Variants in PFKFB2 observed in about 807,000 individuals in gnomAD.
PFKFB2 encodes the protein 6-phosphofructo-2-kinase/fructose-2,6-biphosphatase 2.
In PFKFB2, 53 loss-of-function variants were observed where a neutral mutation model predicts 68.0. The ratio of observed to expected loss-of-function variants is 0.78; its 90% CI spans 0.63 to 0.98. The LOEUF (loss-of-function observed/expected upper bound fraction) is 0.98. Ranked by LOEUF, PFKFB2 falls within the 50% of genes least tolerant of loss-of-function variation. The pLI, the probability that PFKFB2 is intolerant of heterozygous loss-of-function variation, is 0.00. For synonymous variants in PFKFB2, 222 were observed against 227.6 expected, an observed-to-expected ratio of 0.98 and a Z score of 0.22; for missense variants, 451 against 642.0, an observed-to-expected ratio of 0.70 and a Z score of 3.22.
rs1378770232 is a variant in PFKFB2 at position 207,063,382 on chromosome 1, G to A, written c.411G>A (p.Arg137=). 1.9e-6 allele frequency: 3 copies of A among 1,613,642 alleles called. No homozygotes were observed. The highest frequency in any genetic ancestry group is 1.6e-4 in the Middle Eastern group (1 of 6,082). Residue 137 remains arginine, a synonymous_variant, in exon 6 of 15, where the codon AGG becomes AGA. Transcript: ENST00000367080. This position sits in a 1 kb window ranked among gnomAD's most constrained non-coding sequence, Gnocchi z 4.1. ...CCACCAATACAACCCGGGAGAGGAGGGACATGATTTTGAACTTTGCTGAAC... is the reference window on the plus strand; with the variant it reads ...CCACCAATACAACCCGGGAGAGGAGAGACATGATTTTGAACTTTGCTGAAC... ...FDATNTTRER[R]DMILNFAEQN...
chr1:207,049,682 T>C (rs1232327811), upstream of PFKFB2: 1 of 1,614,036 alleles, frequency 6.2e-7, no homozygotes, highest in African/African-American at 1.3e-5. Flanking sequence ...GCAGGTGAAC[T>C]TCTGGGCCTG....
chr1:207,044,504 TTC>T (rs992583978), intron 2 of PFKFB2: 1 of 152,500 alleles, frequency 6.6e-6, no homozygotes, highest in Non-Finnish European at 1.5e-5. Flanking sequence ...AGATGATCCT[TTC>T]TGTTTACCTA....
At position 207,054,781 on chromosome 1, in the gene PFKFB2, C is replaced by T. The variant is rs868372519; in HGVS notation, c.64C>T (p.Arg22Ter). 4 of 1,613,242 alleles carry T rather than the reference C, an allele frequency of 2.5e-6. No homozygotes were observed. Among genetic ancestry groups the T allele is most frequent in the Admixed American group, 1.7e-5 (1 of 59,958 alleles). The change falls in exon 2 of 15, where the codon CGA becomes TGA. Residue 22 changes from arginine to a stop codon, truncating the protein, a stop_gained. Transcript: ENST00000367080. LOFTEE classifies it high-confidence loss of function. ...CTATGAAACCAAAACCCCAAATCTT[C>T]GAATGTCAGAGAAGAAATGTTGTGA... is the stretch of plus-strand genomic sequence containing the variant. ...NSYETKTPNL[R>*]MSEKKCSWAS...
intron 8 of PFKFB2, among the ~76,000 whole-genome samples, chr1:207,065,943 T>A (rs1375513614): frequency 6.6e-6 from 1 of 152,246 alleles, no homozygotes; most frequent in Non-Finnish European, 1.5e-5. Flanking sequence ...GGATACCCTT[T>A]GGAGATGTGT....
At chr1:207,061,331 T>C (rs1683111699) in intron 2 of PFKFB2, among the ~76,000 whole-genome samples, 1 of 150,468 alleles carries the variant, frequency 6.6e-6, no homozygotes, top group African/African-American at 2.4e-5. Context: ...GGCTGCAGCA[T>C]GGTTATTTTC....
intron 1 of PFKFB2, among the ~76,000 whole-genome samples, chr1:207,037,244 A>T (rs1364735817): frequency 2.0e-5 from 3 of 152,172 alleles, no homozygotes; most frequent in Non-Finnish European, 4.4e-5. Context: ...CAGTTTTTTT[A>T]AAAAACTATT....
chr1:207,035,040 G>T (rs2102311171), intron 1 of PFKFB2: 2 of 538,700 alleles, frequency 3.7e-6, no homozygotes, highest in Non-Finnish European at 2.4e-6. Flanking sequence ...AAGCCTGAAA[G>T]AATAAGACTT....
intron 7 of PFKFB2, 142 bp from the exon 8 acceptor site, chr1:207,064,894 T>G (rs887548893): frequency 2.4e-5 from 22 of 901,408 alleles, no homozygotes; most frequent in Non-Finnish European, 2.9e-5. Context: ...GGGCGGGGGG[T>G]ACTCAATGAG....
At chr1:207,050,199 A>T (rs147656233), upstream of PFKFB2, among the ~76,000 whole-genome samples, 1 of 152,344 alleles carries the variant, frequency 6.6e-6, no homozygotes, top group African/African-American at 2.4e-5. Context: ...GCTGCTGGTT[A>T]GAAATTGAAA....
rs1318565884 is a variant in PFKFB2, at chr1:207,062,614, C to T, written c.212-6C>T. On this transcript the variant is annotated splice_region_variant and splice_polypyrimidine_tract_variant and intron_variant, in intron 3 of 14. Coordinates refer to ENST00000367080, the MANE Select transcript of PFKFB2 (RefSeq NM_006212.2). ...TGCTGCTGAAGGATTTGGGTGTCTT[C>T]TACAGTGTTTAATCTTGGGGTGTAT... The T allele has an allele frequency of 9.9e-6, 16 of 1,613,234 alleles. No individual in the cohort carries two copies. Among genetic ancestry groups the T allele is most frequent in the Non-Finnish European group, 1.3e-5 (15 of 1,179,556 alleles).
chr1:207,073,826 A>G lies in PFKFB2; in HGVS notation c.*1455A>G, dbSNP rs1683540472. On this transcript the variant is annotated 3_prime_UTR_variant, in exon 15 of 15. Transcript: ENST00000367080. ...AATTTTGCATGCAAAATGTACGAAT[A>G]TATGTATGTTTTTCTGAGAGGCAAG... 1.0e-6 allele frequency: 1 copy of G among 985,382 alleles called. No homozygotes were observed. Among genetic ancestry groups the G allele is most frequent in the Non-Finnish European group, 1.2e-6 (1 of 829,896 alleles). The allele number at this position is 985,382 out of a possible 1,614,324, so 61.0% of individuals were successfully genotyped here.
At chr1:207,041,959 C>A (rs768314198) in intron 1 of PFKFB2, among the ~76,000 whole-genome samples, 2 of 152,180 alleles carry the variant, frequency 1.3e-5, no homozygotes, top group African/African-American at 4.8e-5. Context: ...CAAAAGACTA[C>A]CTCCATTACT....
At chr1:207,041,310 T>C (rs11120096) in intron 1 of PFKFB2, among the ~76,000 whole-genome samples, 6,075 of 152,006 alleles carry the variant, frequency 0.04, 384 homozygotes, top group African/African-American at 0.14. Context: ...GGTATACATG[T>C]GCCATGGTGG....
chr1:207,075,888 A>G lies in PFKFB2; in HGVS notation c.*3517A>G. On this transcript the variant is annotated 3_prime_UTR_variant, in exon 15 of 15. Transcript: ENST00000367080. ...AACCTGCTTCTCTTCTTATCTCCTA[A>G]TCCCTAAATTGTAATTTAGCTCTTA... is the stretch of plus-strand genomic sequence containing the variant. 8.1e-6 allele frequency: 8 copies of G among 985,212 alleles called. No individual in the cohort carries two copies. The highest frequency in any genetic ancestry group is 9.6e-6 in the Non-Finnish European group (8 of 829,712). 61.0% of individuals were successfully genotyped at this position (985,212 alleles called of 1,614,324 possible).
At chr1:207,069,073 C>A (rs1226935718) in intron 10 of PFKFB2, among the ~76,000 whole-genome samples, 1 of 152,080 alleles carries the variant, frequency 6.6e-6, no homozygotes, top group Non-Finnish European at 1.5e-5. Flanking sequence ...CTTCCTTCTA[C>A]CCTTTTATTT....
chr1:207,068,758 T>C (rs934759014), intron 10 of PFKFB2, among the ~76,000 whole-genome samples: 1 of 152,112 alleles, frequency 6.6e-6, no homozygotes, highest in Non-Finnish European at 1.5e-5. Flanking sequence ...TTCTTTTTTT[T>C]TTTTTGTGAC....
chr1:207,071,252 T>C lies in PFKFB2; in HGVS notation c.1285+2T>C. 1 of 1,609,016 alleles carries C rather than the reference T, an allele frequency of 6.2e-7. No homozygotes were observed. The highest frequency in any genetic ancestry group is 8.5e-7 in the Non-Finnish European group (1 of 1,175,314). On this transcript the variant is annotated splice_donor_variant, in intron 13 of 14. Transcript: ENST00000367080. LOFTEE classifies it high-confidence loss of function. ...TCAAACTTACTCCTGTGGCCTATGG[T>C]AACTATGCACATAGGGGCTGGCAGG... is the stretch of plus-strand genomic sequence containing the variant.
chr1:207,043,624 T>C lies in PFKFB2; in HGVS notation c.-18+1412T>C, dbSNP rs561568206. Among the ~76,000 whole-genome samples, 7 of 152,264 alleles carry C rather than the reference T, an allele frequency of 4.6e-5. 1 individual carries two copies. In the South Asian group the frequency reaches 6.2e-4, roughly 14 times the overall value. On this transcript the variant is annotated intron_variant, in intron 2 of 5. Transcript: ENST00000545806. The stretch of plus-strand genomic sequence containing the variant: ...AAATATTGAATTACAACTTGTAGGA[T>C]TGGATTTAGAAAAAAATTTAGTCAA...
intron 2 of PFKFB2, among the ~76,000 whole-genome samples, chr1:207,058,092 A>T (rs1476740448): frequency 2.0e-5 from 3 of 152,234 alleles, no homozygotes; most frequent in African/African-American, 4.8e-5. Context: ...TTTGATGGAA[A>T]TTGGGCAGCA....
Sources: allele counts gnomAD v4.1 joint callset (sites outside exome capture counted in the v4.1 genomes callset), GRCh38; gene constraint gnomAD v4.1.1; non-coding constraint Gnocchi (gnomAD v3.1); transcripts MANE v1.5; gene names NCBI Gene and HGNC (gene_info 2026-07-23, HGNC 2026-07-21).